The following RBFOX1 variants were observed in gnomAD, a reference collection of about 807,000 sequenced individuals.
RBFOX1 encodes RNA binding fox-1 homolog 1, also known as RNA binding protein fox-1 homolog 1.
Under a neutral mutation model 57.7 loss-of-function variants are expected in RBFOX1, and 8 were observed. The observed-to-expected ratio is 0.14, with a 90% CI of 0.08 to 0.25. The LOEUF (loss-of-function observed/expected upper bound fraction) is 0.25. RBFOX1 is among the 10% of genes least tolerant of loss of function. The probability of loss-of-function intolerance (pLI) is 1.00; values close to 1 mark genes in which losing one functional copy is unlikely to be tolerated. For missense variants in RBFOX1, 611 were observed against 548.5 expected (o/e 1.11, Z -1.14); for synonymous variants, 326 against 222.4 (o/e 1.47, Z -4.15).
chr16:6,975,471 TG>T (rs1252557027), intron 3 of RBFOX1, among the ~76,000 whole-genome samples: 1 of 152,122 alleles, frequency 6.6e-6, no homozygotes, highest in Admixed American at 6.5e-5. Context: ...TTCACCATCT[TG>T]GCCAAGCTGG....
chr16:7,222,246 C>G (rs1242852751), intron 4 of RBFOX1, among the ~76,000 whole-genome samples: 2 of 152,332 alleles, frequency 1.3e-5, no homozygotes, highest in African/African-American at 2.4e-5. Context: ...CTCTTGTTTA[C>G]TTTACATGAG....
At chr16:7,088,825 T>G (rs929871549) in intron 4 of RBFOX1, among the ~76,000 whole-genome samples, 6 of 152,178 alleles carry the variant, frequency 3.9e-5, no homozygotes, top group Non-Finnish European at 8.8e-5. Context: ...GGGAGGCGTT[T>G]TCGAGGTTCA....
intron 3 of RBFOX1, among the ~76,000 whole-genome samples, chr16:5,692,774 G>T (rs898772460): frequency 1.1e-4 from 16 of 151,990 alleles, no homozygotes; most frequent in Non-Finnish European, 1.9e-4. Flanking sequence ...ACAGCCCACC[G>T]AACAAGAAAA....
intron 3 of RBFOX1, among the ~76,000 whole-genome samples, chr16:7,030,566 T>C (rs941486705): frequency 4.6e-5 from 7 of 152,160 alleles, no homozygotes; most frequent in African/African-American, 1.4e-4. Flanking sequence ...TCACATGCTA[T>C]TGTCTTTGTT....
chr16:6,053,689 A>C (rs778199039), intron 1 of RBFOX1, among the ~76,000 whole-genome samples: 2 of 152,202 alleles, frequency 1.3e-5, no homozygotes, highest in Non-Finnish European at 2.9e-5. Context: ...CCCTACGTAC[A>C]TAAGAGATCT....
At chr16:7,677,570 G>C (rs1191104944) in intron 14 of RBFOX1, among the ~76,000 whole-genome samples, 1 of 152,138 alleles carries the variant, frequency 6.6e-6, no homozygotes, top group Non-Finnish European at 1.5e-5. Flanking sequence ...AGATGAGTTG[G>C]TTCCTGAAAC....
rs542757029 is a variant in RBFOX1 at position 7,312,698 on chromosome 16, G to C, written c.28-205449G>C. Among the ~76,000 whole-genome samples the C allele has an allele frequency of 1.4e-4, 22 of 152,260 alleles. No homozygotes were observed. The East Asian group carries it at 4.1e-3, about 28-fold the overall frequency. ...GTCAGGAGGAGGGAAAATAAAAATTGTCTTGCTCTTGTCAGTAGCGAAGTT... is the reference window on the plus strand; with the variant it reads ...GTCAGGAGGAGGGAAAATAAAAATTCTCTTGCTCTTGTCAGTAGCGAAGTT... On this transcript the variant is annotated intron_variant, in intron 4 of 15. Transcript: ENST00000550418.
intron 3 of RBFOX1, among the ~76,000 whole-genome samples, chr16:7,036,599 T>C (rs4786137): frequency 1.3e-5 from 2 of 151,612 alleles, no homozygotes; most frequent in Non-Finnish European, 2.9e-5. Flanking sequence ...AGGCTGAGGC[T>C]GGAGAATCGC....
intron 3 of RBFOX1, among the ~76,000 whole-genome samples, chr16:5,769,150 C>G (rs144318014): frequency 1.3e-5 from 2 of 152,066 alleles, no homozygotes; most frequent in Admixed American, 1.3e-4. Flanking sequence ...TTAAACCTGA[C>G]GTTTTTTGAT....
chr16:6,724,142 A>G (rs896855787), intron 3 of RBFOX1, among the ~76,000 whole-genome samples: 1 of 152,086 alleles, frequency 6.6e-6, no homozygotes, highest in Non-Finnish European at 1.5e-5. Context: ...GTGCCATTAT[A>G]AAAGAGGCTT....
intron 1 of RBFOX1, among the ~76,000 whole-genome samples, chr16:5,347,558 A>T (rs1244737501): frequency 6.6e-6 from 1 of 151,730 alleles, no homozygotes; most frequent in Non-Finnish European, 1.5e-5. Flanking sequence ...CCACCTACCG[A>T]CTCATCCTTC....
intron 4 of RBFOX1, among the ~76,000 whole-genome samples, chr16:7,234,899 A>G (rs1374560891): frequency 6.6e-6 from 1 of 152,140 alleles, no homozygotes; most frequent in Admixed American, 6.5e-5. Flanking sequence ...TTATTCACAG[A>G]CATCTCCCAA....
At chr16:6,620,253 C>G (rs112703101) in intron 2 of RBFOX1, among the ~76,000 whole-genome samples, 1 of 152,058 alleles carries the variant, frequency 6.6e-6, no homozygotes, top group Non-Finnish European at 1.5e-5. Flanking sequence ...ACTTCTGGGT[C>G]AATAATGAAA....
intron 4 of RBFOX1, among the ~76,000 whole-genome samples, chr16:6,010,233 G>C (rs2152337396): frequency 6.6e-6 from 1 of 152,234 alleles, no homozygotes; most frequent in African/African-American, 2.4e-5. Context: ...CTCAACCCAT[G>C]TCCAAGGAAG....
At chr16:6,362,867 A>G (rs766964494) in intron 2 of RBFOX1, among the ~76,000 whole-genome samples, 1 of 152,190 alleles carries the variant, frequency 6.6e-6, no homozygotes, top group Non-Finnish European at 1.5e-5. Flanking sequence ...GTGTAAACAG[A>G]GGATGGAGAC....
chr16:5,280,013 C>G (rs9935301), intron 1 of RBFOX1, among the ~76,000 whole-genome samples: 48,753 of 151,802 alleles, frequency 0.32, 7,843 homozygotes, highest in Non-Finnish European at 0.33. Flanking sequence ...TTGTCTTGTT[C>G]CAGTTCTTAG....
intron 4 of RBFOX1, among the ~76,000 whole-genome samples, chr16:5,911,063 C>G (rs2058591251): frequency 6.6e-6 from 1 of 152,150 alleles, no homozygotes; most frequent in Admixed American, 6.5e-5. Flanking sequence ...GTGCTTGGAT[C>G]TTTGACTTAG....
At position 5,455,025 on chromosome 16, in the gene RBFOX1, C is replaced by CCT. The variant is rs2068585728; in HGVS notation, c.220-12191_220-12190insCT. 2.1e-4 allele frequency among the ~76,000 whole-genome samples: 17 copies of CCT among 79,440 alleles called. 1 individual carries two copies. The highest frequency in any genetic ancestry group is 4.1e-4 in the South Asian group (1 of 2,424). 52.1% of individuals were successfully genotyped at this position (79,440 alleles called of 152,430 possible). ...TTTCTTTCTTTCTTTCTTTCTTTCT[C>CCT]TCTCTCTGTCTGTCTCTCTTTCTTT... On this transcript the variant is annotated intron_variant, in intron 1 of 2. Transcript: ENST00000585867.
intron 3 of RBFOX1, among the ~76,000 whole-genome samples, chr16:6,891,876 G>C (rs972607468): frequency 2.0e-5 from 3 of 152,154 alleles, no homozygotes; most frequent in Admixed American, 2.0e-4. Flanking sequence ...GGCCAGCACT[G>C]CTTTTAAAAC....
Sources: gnomAD v4.1 joint callset for allele counts (sites outside exome capture counted in the v4.1 genomes callset) on GRCh38, gnomAD v4.1.1 for gene constraint, MANE v1.5 for transcripts, NCBI Gene and HGNC (gene_info 2026-07-23, HGNC 2026-07-21) for gene names.